CR1: variants seen among roughly 807,000 people sequenced by gnomAD.
CR1 encodes the protein complement C3b/C4b receptor 1 (Knops blood group).
CR1 carries 116 observed loss-of-function variants against 187.3 expected under a neutral mutation model. The ratio of observed to expected loss-of-function variants is 0.62; its 90% confidence interval spans 0.53 to 0.72. The LOEUF (loss-of-function observed/expected upper bound fraction) is 0.72, where lower values mean the gene tolerates loss of function less well. CR1 is among the 30% of genes least tolerant of loss of function. CR1 has a pLI of 0.00. For missense variants in CR1, 1,731 were observed against 2,110.7 expected (o/e 0.82, Z 3.52); for synonymous variants, 576 against 747.1 (o/e 0.77, Z 3.73).
In CR1 at chr1:207,631,362, A is replaced by T. The variant is rs1276905191; in HGVS notation, c.7457+741A>T. On this transcript the variant is annotated intron_variant, in intron 46 of 46. Transcript: ENST00000367049. ...TGTGAATAAAGTTTTACTGGGGCAC[A>T]GCCACACCCAATCGTTTGTCTACTG... Among the ~76,000 whole-genome samples the T allele has an allele frequency of 4.6e-5, 7 of 152,344 alleles. No homozygotes were observed. The East Asian group carries it at 9.6e-4, about 21-fold the overall frequency.
At chr1:207,636,785 G>T (rs1403306210) in intron 46 of CR1, among the ~76,000 whole-genome samples, 1 of 152,162 alleles carries the variant, frequency 6.6e-6, no homozygotes, top group Admixed American at 6.5e-5. Context: ...TGGACGGATG[G>T]CAAGGCCTCC....
At chr1:207,604,595 C>T (rs898861957) in intron 35 of CR1, among the ~76,000 whole-genome samples, 1 of 152,176 alleles carries the variant, frequency 6.6e-6, no homozygotes, top group African/African-American at 2.4e-5. Context: ...TTTATCACTG[C>T]CAATTTCTTA....
intron 40 of CR1, among the ~76,000 whole-genome samples, chr1:207,615,839 A>C (rs1312869882): frequency 6.6e-6 from 1 of 152,238 alleles, no homozygotes; most frequent in Non-Finnish European, 1.5e-5. Context: ...AAATTCAAGC[A>C]TGAGAAGTCA....
intron 27 of CR1, among the ~76,000 whole-genome samples, chr1:207,574,543 A>G (rs1660675617): frequency 6.6e-6 from 1 of 152,142 alleles, no homozygotes; most frequent in South Asian, 2.1e-4. Context: ...ATGAGATAGG[A>G]TATTGGTAAA....
intron 32 of CR1, among the ~76,000 whole-genome samples, chr1:207,583,232 A>T (rs1175041390): frequency 6.6e-6 from 1 of 152,188 alleles, no homozygotes; most frequent in Non-Finnish European, 1.5e-5. Flanking sequence ...ATTTTAAGGG[A>T]TTAGACTAAT....
chr1:207,613,688 G>T (rs997525409), intron 39 of CR1, among the ~76,000 whole-genome samples: 5 of 151,962 alleles, frequency 3.3e-5, no homozygotes, highest in Admixed American at 3.3e-4. Flanking sequence ...AACTAGATTG[G>T]GCAATTAAGC....
chr1:207,622,284 T>G (rs1662337234), intron 44 of CR1, among the ~76,000 whole-genome samples: 2 of 152,178 alleles, frequency 1.3e-5, no homozygotes, highest in Admixed American at 1.3e-4. Context: ...AATTCTTTAT[T>G]TGAATGTGGT....
chr1:207,603,631 A>G (rs1158556887), intron 35 of CR1, among the ~76,000 whole-genome samples: 1 of 152,150 alleles, frequency 6.6e-6, no homozygotes, highest in Non-Finnish European at 1.5e-5. Context: ...AAACGACTAC[A>G]CTGTACATGG....
chr1:207,617,604 TATATATATAGAGAGAGAGAGAGAG>T (rs1328534385), intron 41 of CR1, among the ~76,000 whole-genome samples: 860 of 21,998 alleles, frequency 0.039, 11 homozygotes, highest in Non-Finnish European at 0.057. Context: ...TATATATATA[TATATATATAGAGAGAGAGAGAGAG>T]AGAGAGAGAG....
At chr1:207,599,993 C>T (rs1417545770) in intron 35 of CR1, among the ~76,000 whole-genome samples, 4 of 152,270 alleles carry the variant, frequency 2.6e-5, no homozygotes, top group East Asian at 1.9e-4. Flanking sequence ...GAGCAAGAGA[C>T]GGCAAAATTT....
intron 3 of CR1, among the ~76,000 whole-genome samples, chr1:207,510,705 T>A (rs1274973259): frequency 7.6e-6 from 1 of 132,182 alleles, no homozygotes; most frequent in African/African-American, 3.1e-5. Context: ...TGGATTTCCT[T>A]TGGTTCTAGT....
intron 3 of CR1, 130 bp downstream of exon 3, chr1:207,506,943 A>G (rs1346100998): frequency 1.4e-6 from 1 of 697,382 alleles, no homozygotes; most frequent in African/African-American, 1.8e-5. Flanking sequence ...TTCAACACAG[A>G]TGTTTAGCTC....
chr1:207,519,001 T>C (rs1659887816), intron 4 of CR1, among the ~76,000 whole-genome samples: 1 of 152,246 alleles, frequency 6.6e-6, no homozygotes, highest in Non-Finnish European at 1.5e-5. Flanking sequence ...TTTAAACATG[T>C]TATTAAATGC....
intron 45 of CR1, among the ~76,000 whole-genome samples, chr1:207,627,209 C>T (rs1218236174): frequency 6.6e-6 from 1 of 152,096 alleles, no homozygotes; most frequent in Non-Finnish European, 1.5e-5. Flanking sequence ...CCCCACATTC[C>T]TAGTCTCTCT....
In CR1 at chr1:207,567,897, T is replaced by TG; in HGVS notation, c.4028dup (p.Ala1345SerfsTer29). On this transcript the variant is annotated frameshift_variant, in exon 25 of 47. Coordinates refer to ENST00000367049, the MANE Select transcript of CR1 (RefSeq NM_000651.6). LOFTEE classifies it high-confidence loss of function. ...GAAAACCTCTGGAAGTCTTTCCCTT[T>TG]GGAAAAGCAGTAAATTACACATGCG... 1 of 1,610,878 alleles carries TG rather than the reference T, an allele frequency of 6.2e-7. No individual in the cohort carries two copies. Among genetic ancestry groups the TG allele is most frequent in the South Asian group, 1.1e-5 (1 of 91,038 alleles).
At chr1:207,631,728 G>A (rs764343452) in intron 46 of CR1, among the ~76,000 whole-genome samples, 1 of 152,094 alleles carries the variant, frequency 6.6e-6, no homozygotes. Context: ...TTTGGCTCTG[G>A]CTTACTTTGG....
rs772788078 is a variant in CR1 at position 207,609,292 on chromosome 1, A to G, written c.5899A>G (p.Ile1967Val). 1.9e-6 allele frequency: 3 copies of G among 1,603,544 alleles called. No homozygotes were observed. The highest frequency in any genetic ancestry group is 1.7e-5 in the Admixed American group (1 of 58,888). ...WDKKAPICEI[I>V]SCEPPPTISN... ...TACCATACTCTTCCTTCTCTCAGTC[A>G]TATCTTGTGAGCCACCTCCAACCAT... The change falls in exon 37 of 47, where the codon ATA becomes GTA. Residue 1967 changes from isoleucine (I) to valine (V), a missense_variant and splice_region_variant. Coordinates refer to ENST00000367049, the MANE Select transcript of CR1 (RefSeq NM_000651.6).
rs758273020 is a variant in CR1, at chr1:207,587,508, T to C, written c.5653T>C (p.Phe1885Leu). The C allele has an allele frequency of 8.1e-6, 13 of 1,613,884 alleles. No individual in the cohort carries two copies. Among genetic ancestry groups the C allele is most frequent in the African/African-American group, 1.3e-5 (1 of 74,944 alleles). Residue 1885 changes from phenylalanine (F) to leucine (L), a missense_variant, in exon 34 of 47, where the codon TTC becomes CTC. Physicochemically the swap from Phe to Leu is conservative, Grantham distance 22. Coordinates refer to ENST00000367049, the MANE Select transcript of CR1 (RefSeq NM_000651.6). Reference protein sequence around the residue: ...ECRPGYFGKMFSISCLENLVW... With the variant: ...ECRPGYFGKMLSISCLENLVW... Reference sequence around the variant, plus strand: ...CCGTCCTGGGTATTTTGGGAAAATGTTCTCTATCTCCTGCCTAGAAAACTT... The same window carrying C: ...CCGTCCTGGGTATTTTGGGAAAATGCTCTCTATCTCCTGCCTAGAAAACTT...
intron 35 of CR1, among the ~76,000 whole-genome samples, chr1:207,604,124 T>C (rs2102376577): frequency 6.6e-6 from 1 of 152,318 alleles, no homozygotes; most frequent in African/African-American, 2.4e-5. Context: ...TTTATTTGCA[T>C]TTTAAAGTGT....
Sources: allele counts gnomAD v4.1 joint callset (sites outside exome capture counted in the v4.1 genomes callset), GRCh38; gene constraint gnomAD v4.1.1; transcripts MANE v1.5; gene names NCBI Gene and HGNC (gene_info 2026-07-23, HGNC 2026-07-21).